Variants in USP47 observed in about 807,000 individuals in gnomAD.
USP47 encodes the protein ubiquitin specific peptidase 47, also known as ubiquitin carboxyl-terminal hydrolase 47.
Under a neutral mutation model 165.1 loss-of-function variants are expected in USP47, and 35 were observed. The observed-to-expected ratio is 0.21, with a 90% CI of 0.16 to 0.28. USP47 has a LOEUF of 0.28. Ranked by LOEUF, USP47 falls within the 10% of genes least tolerant of loss-of-function variation. The probability of loss-of-function intolerance (pLI) is 1.00; values close to 1 mark genes in which losing one functional copy is unlikely to be tolerated. For synonymous variants in USP47, 531 were observed against 544.5 expected (o/e 0.98, Z 0.35); for missense variants, 1,277 against 1,607.4 (o/e 0.79, Z 3.52).
At chr11:11,885,014 C>G (rs953299517) in intron 3 of USP47, among the ~76,000 whole-genome samples, 6 of 152,200 alleles carry the variant, frequency 3.9e-5, no homozygotes, top group Non-Finnish European at 7.3e-5. Flanking sequence ...CCTCCCCTAA[C>G]CTGCCACCTT....
At chr11:11,913,258 C>CAAA (rs796881838) in intron 8 of USP47, among the ~76,000 whole-genome samples, 50 of 79,082 alleles carry the variant, frequency 6.3e-4, no homozygotes, top group East Asian at 1.2e-3. Flanking sequence ...ATCCCTTGTA[C>CAAA]AAAAAAAAAA....
At chr11:11,880,052 G>C (rs1482813040) in intron 1 of USP47, 125 bp from the exon 2 acceptor site, 3 of 630,660 alleles carry the variant, frequency 4.8e-6, no homozygotes, top group Non-Finnish European at 7.4e-6. Context: ...AGAGAAAATA[G>C]CACAGAGAAA....
Position 11,900,982 on chromosome 11 carries a change from C to T in USP47, c.594-1733C>T, listed in dbSNP as rs986923705. On this transcript the variant is annotated intron_variant, in intron 5 of 27. Transcript: ENST00000527733. ...TCTCATAATGTCAGTTATAAGTACC[C>T]GCTATTGAAGATAACCAGAAAAAAG... is the stretch of plus-strand genomic sequence containing the variant. Among the ~76,000 whole-genome samples, 6 of 152,124 alleles carry T rather than the reference C, an allele frequency of 3.9e-5. No homozygotes were observed. The East Asian group carries it at 5.8e-4, about 15-fold the overall frequency.
intron 8 of USP47, among the ~76,000 whole-genome samples, chr11:11,919,897 A>G (rs1489699586): frequency 2.0e-5 from 3 of 152,016 alleles, no homozygotes; most frequent in African/African-American, 7.2e-5. Flanking sequence ...TGTAAAGTCA[A>G]TGAAAATCAG....
chr11:11,872,909 A>G (rs1850161725), intron 1 of USP47, among the ~76,000 whole-genome samples: 1 of 152,180 alleles, frequency 6.6e-6, no homozygotes, highest in South Asian at 2.1e-4. Context: ...TATATAATGG[A>G]ACACTGCAGT....
intron 8 of USP47, among the ~76,000 whole-genome samples, chr11:11,912,517 A>G (rs1853071427): frequency 6.6e-6 from 1 of 152,132 alleles, no homozygotes; most frequent in Non-Finnish European, 1.5e-5. Context: ...TGTAACTGTT[A>G]AGGTAATTAC....
At chr11:11,947,839 C>T (rs536908624) in intron 20 of USP47, 106 bp from the exon 21 acceptor site, 2 of 1,173,838 alleles carry the variant, frequency 1.7e-6, no homozygotes, top group East Asian at 5.1e-5. Flanking sequence ...AAAAGGGGTA[C>T]TCTTTACTGC....
At position 11,933,096 on chromosome 11, in the gene USP47, A is replaced by G. The variant is rs1262920347; in HGVS notation, c.1744A>G (p.Ile582Val). 1 of 1,613,204 alleles carries G rather than the reference A, an allele frequency of 6.2e-7. No individual in the cohort carries two copies. Among genetic ancestry groups the G allele is most frequent in the Admixed American group, 1.7e-5 (1 of 59,886 alleles). Residue 582 changes from isoleucine (I) to valine (V), a missense_variant, in exon 15 of 28, where the codon ATT becomes GTT. Around this residue, in one of 4 missense-constraint regions of USP47, gnomAD observed 909 missense variants for 1,068.1 expected, o/e 0.85. Transcript: ENST00000527733. Reference protein sequence around the residue: ...LEEQEKRQREIERNTCKIKLF... With the variant: ...LEEQEKRQREVERNTCKIKLF... ...AGAACAAGAAAAGAGACAACGAGAA[A>G]TTGAGCGCAATACATGCAAGGTTGA...
Position 11,933,064 on chromosome 11 carries a change from A to T in USP47, c.1712A>T (p.Glu571Val), listed in dbSNP as rs746865761. Residue 571 changes from glutamate (E) to valine (V), a missense_variant, in exon 15 of 28, where the codon GAG becomes GTG. Physicochemically the swap from Glu to Val is moderately radical, Grantham distance 121 (BLOSUM62 -2). Coordinates refer to ENST00000527733, the MANE Select transcript of USP47 (RefSeq NM_001282659.2). ...HIKNLVQKER[E>V]LEEQEKRQRE... Reference sequence around the variant, plus strand: ...AAAAACTTGGTGCAGAAAGAGAGAGAGTTGGAAGAACAAGAAAAGAGACAA... The same window carrying T: ...AAAAACTTGGTGCAGAAAGAGAGAGTGTTGGAAGAACAAGAAAAGAGACAA... 1 of 1,613,466 alleles carries T rather than the reference A, an allele frequency of 6.2e-7. No homozygotes were observed. The highest frequency in any genetic ancestry group is 1.1e-5 in the South Asian group (1 of 91,046).
At chr11:11,948,797 A>G in intron 22 of USP47, 1 of 355,108 alleles carries the variant, frequency 2.8e-6, no homozygotes, top group Non-Finnish European at 5.1e-6. Flanking sequence ...CATTTTATTT[A>G]CAAAAGCAGG....
intron 4 of USP47, among the ~76,000 whole-genome samples, chr11:11,895,874 CTACTGGATGG>C (rs1851814867): frequency 6.6e-6 from 1 of 152,124 alleles, no homozygotes. Flanking sequence ...CATGTGCCCT[CTACTGGATGG>C]TATATGTTCT....
At chr11:11,896,413 A>G (rs1033777500) in intron 4 of USP47, among the ~76,000 whole-genome samples, 3 of 152,208 alleles carry the variant, frequency 2.0e-5, no homozygotes, top group African/African-American at 7.2e-5. Context: ...AGGACGGAGA[A>G]GAAAAGAAAT....
chr11:11,871,391 T>C (rs1385515695), intron 1 of USP47, among the ~76,000 whole-genome samples: 3 of 151,062 alleles, frequency 2.0e-5, no homozygotes, highest in African/African-American at 4.9e-5. Flanking sequence ...TAGTCCCAGC[T>C]ACTCGGGAGG....
intron 16 of USP47, among the ~76,000 whole-genome samples, chr11:11,934,626 A>G (rs1418984797): frequency 6.6e-6 from 1 of 152,108 alleles, no homozygotes; most frequent in Non-Finnish European, 1.5e-5. Context: ...AACTGAAGAA[A>G]GGAGCCATAT....
chr11:11,895,265 G>C lies in USP47; in HGVS notation c.497-2332G>C, dbSNP rs367594068. Among the ~76,000 whole-genome samples the C allele has an allele frequency of 1.6e-4, 24 of 151,968 alleles. No homozygotes were observed. In the Middle Eastern group the frequency reaches 0.014, roughly 86 times the overall value. On this transcript the variant is annotated intron_variant, in intron 4 of 27. Transcript: ENST00000527733. ...TGCCATGTAATCATAGTCTTTGTTC[G>C]CATTTACTGTTCCTCACACACCTCT...
chr11:11,847,026 A>G (rs1029027550), intron 1 of USP47, among the ~76,000 whole-genome samples: 1 of 152,170 alleles, frequency 6.6e-6, no homozygotes, highest in African/African-American at 2.4e-5. Flanking sequence ...TGCTCATTTA[A>G]TGAATGAAAG....
chr11:11,936,820 A>G (rs1855106488), intron 17 of USP47, among the ~76,000 whole-genome samples: 1 of 151,810 alleles, frequency 6.6e-6, no homozygotes, highest in African/African-American at 2.4e-5. Flanking sequence ...CCCTAAAGTT[A>G]TCAATTGCTC....
At chr11:11,881,021 T>C (rs1850793644) in intron 2 of USP47, among the ~76,000 whole-genome samples, 1 of 152,192 alleles carries the variant, frequency 6.6e-6, no homozygotes, top group African/African-American at 2.4e-5. Flanking sequence ...GTTAACTGTT[T>C]CCTTAATTAT....
chr11:11,846,848 A>G (rs931123400), intron 1 of USP47, among the ~76,000 whole-genome samples: 1 of 152,058 alleles, frequency 6.6e-6, no homozygotes, highest in Non-Finnish European at 1.5e-5. Flanking sequence ...ATGTGCTGCA[A>G]TTGTCATTCT....
Sources: gnomAD v4.1 joint callset for allele counts (sites outside exome capture counted in the v4.1 genomes callset) on GRCh38, gnomAD v4.1.1 for gene constraint, gnomAD v4.1.1 regional missense constraint, MANE v1.5 for transcripts, NCBI Gene and HGNC (gene_info 2026-07-23, HGNC 2026-07-21) for gene names.